ZC4H2: variants seen among roughly 807,000 people sequenced by gnomAD.
The protein encoded by ZC4H2 is zinc finger C4H2 domain-containing protein.
For synonymous variants in ZC4H2, 84 were observed against 66.3 expected, an observed-to-expected ratio of 1.27 and a Z score of -1.30; for missense variants, 137 against 173.9, an observed-to-expected ratio of 0.79 and a Z score of 1.19.
chrX:64,949,033 A>G (rs1371638779), intron 1 of ZC4H2, among the ~76,000 whole-genome samples: 1 of 111,884 alleles, frequency 8.9e-6, no homozygotes, highest in Non-Finnish European at 1.9e-5. Context: ...TTAGAGCACT[A>G]ATCTGCTCTT....
At chrX:65,016,616 A>G (rs1279982545) in intron 1 of ZC4H2, among the ~76,000 whole-genome samples, 7 of 111,696 alleles carry the variant, frequency 6.3e-5, no homozygotes, top group Non-Finnish European at 9.4e-5. Flanking sequence ...GGTTTTGGCT[A>G]GAATAACCAA....
intron 4 of ZC4H2, 65 bp from the exon 5 acceptor site, chrX:64,917,961 C>A: frequency 8.8e-7 from 1 of 1,136,395 alleles, no homozygotes; most frequent in East Asian, 3.2e-5. Context: ...ACTTAGACTT[C>A]TGATTCCCCA....
chrX:65,005,636 G>A (rs890095992), intron 1 of ZC4H2, among the ~76,000 whole-genome samples: 2 of 111,455 alleles, frequency 1.8e-5, no homozygotes, highest in Non-Finnish European at 3.8e-5. Flanking sequence ...TGCCATTCAG[G>A]ACATAGGCAC....
chrX:64,965,525 G>C, intron 1 of ZC4H2: 1 of 303,490 alleles, frequency 3.3e-6, no homozygotes. Flanking sequence ...TAAAATTTCT[G>C]GAAGAAAATA....
intron 1 of ZC4H2, among the ~76,000 whole-genome samples, chrX:65,012,446 C>T (rs952981861): frequency 9.0e-6 from 1 of 111,189 alleles, no homozygotes; most frequent in Non-Finnish European, 1.9e-5. Flanking sequence ...GTGTAACACA[C>T]TTAGAAGAAC....
chrX:64,937,658 C>T (rs988391989), intron 1 of ZC4H2, among the ~76,000 whole-genome samples: 7 of 111,409 alleles, frequency 6.3e-5, no homozygotes, highest in South Asian at 3.7e-4. Context: ...TACATGCAAA[C>T]TGAACAATCT....
At chrX:64,982,978 T>A (rs1226814594) in intron 1 of ZC4H2, among the ~76,000 whole-genome samples, 1 of 112,119 alleles carries the variant, frequency 8.9e-6, no homozygotes, top group African/African-American at 3.2e-5. Flanking sequence ...GTAAACAGAT[T>A]GGGAGAGGAG....
intron 1 of ZC4H2, among the ~76,000 whole-genome samples, chrX:64,981,588 C>T (rs188294371): frequency 1.8e-5 from 2 of 110,955 alleles, no homozygotes; most frequent in African/African-American, 6.6e-5. Flanking sequence ...GTGCCATTCA[C>T]TGAAACAGGA....
upstream of ZC4H2, among the ~76,000 whole-genome samples, chrX:64,978,076 T>C (rs999729596): frequency 7.2e-5 from 8 of 111,418 alleles, no homozygotes; most frequent in Non-Finnish European, 1.1e-4. Flanking sequence ...CTTTCTTTTA[T>C]TGAGCTTCAG....
At chrX:65,001,773 A>G (rs1156612201) in intron 1 of ZC4H2, among the ~76,000 whole-genome samples, 2 of 112,122 alleles carry the variant, frequency 1.8e-5, no homozygotes, top group South Asian at 3.7e-4. Context: ...TGAAAGCAAA[A>G]AAAAGCAGGG....
chrX:65,017,763 CAT>C (rs1932807054), intron 1 of ZC4H2, among the ~76,000 whole-genome samples: 3 of 111,906 alleles, frequency 2.7e-5, no homozygotes, highest in Admixed American at 9.5e-5. Flanking sequence ...GTTCCACACT[CAT>C]AAAATGTAGG....
chrX:64,965,077 A>T (rs1931540179), intron 1 of ZC4H2, among the ~76,000 whole-genome samples: 1 of 112,040 alleles, frequency 8.9e-6, no homozygotes, highest in Admixed American at 9.5e-5. Flanking sequence ...GAAATAGGAC[A>T]TTATTTCATT....
At chrX:64,983,999 A>C (rs1932132815) in intron 1 of ZC4H2, among the ~76,000 whole-genome samples, 1 of 111,705 alleles carries the variant, frequency 9.0e-6, no homozygotes, top group Non-Finnish European at 1.9e-5. Flanking sequence ...TATTATATGC[A>C]TAATGGTGGG....
In ZC4H2 at chrX:64,916,321, C is replaced by T. The variant is rs887062041; in HGVS notation, c.*1462G>A. ...ATTAGGTAAATTATTGTCCTTGGTG[C>T]CTGGCTTTCTCATTTGTAAGGTGGA... On this transcript the variant is annotated 3_prime_UTR_variant, in exon 5 of 5. Coordinates refer to ENST00000374839, the MANE Select transcript of ZC4H2 (RefSeq NM_018684.4). 6.3e-5 allele frequency: 7 copies of T among 111,132 alleles called. No homozygotes were observed. Among genetic ancestry groups the T allele is most frequent in the Non-Finnish European group, 1.3e-4 (7 of 53,031 alleles). 9.2% of individuals were successfully genotyped at this position (111,132 alleles called of 1,213,427 possible).
At chrX:64,934,282 G>A (rs1929889812) in intron 1 of ZC4H2, among the ~76,000 whole-genome samples, 2 of 112,193 alleles carry the variant, frequency 1.8e-5, no homozygotes. Flanking sequence ...TTACTCCATT[G>A]TAACATCTGG....
chrX:64,924,303 T>C (rs769162003), intron 1 of ZC4H2, among the ~76,000 whole-genome samples: 1 of 112,480 alleles, frequency 8.9e-6, no homozygotes, highest in South Asian at 3.7e-4. Context: ...GTATTTTAAC[T>C]ATATTTATTG....
rs1378670952 is a variant in ZC4H2, at chrX:64,954,376, ATATATATTTATAAT to A, written c.53+21935_53+21948del. Among the ~76,000 whole-genome samples the A allele has an allele frequency of 1.3e-3, 97 of 76,089 alleles. 8 individuals carry two copies. The highest frequency in any genetic ancestry group is 8.2e-3 in the African/African-American group (88 of 10,701). 66.1% of individuals were successfully genotyped at this position (76,089 alleles called of 115,157 possible). A position where few individuals can be genotyped will look rare whatever the true frequency, so the allele number is the denominator to read the frequency against. ...TATAATTATATATATATATATAATT[ATATATATTTATAAT>A]TATATATATATATGCTCAAAAATTG... On this transcript the variant is annotated intron_variant, in intron 1 of 4. Transcript: ENST00000374839.
chrX:64,949,845 C>G (rs879991755), intron 1 of ZC4H2, among the ~76,000 whole-genome samples: 1 of 111,489 alleles, frequency 9.0e-6, no homozygotes, highest in Non-Finnish European at 1.9e-5. Flanking sequence ...GTCTCTATCT[C>G]CTTCAGTTCT....
chrX:64,951,387 C>T (rs1402314393), intron 1 of ZC4H2, among the ~76,000 whole-genome samples: 1 of 111,810 alleles, frequency 8.9e-6, no homozygotes, highest in Non-Finnish European at 1.9e-5. Context: ...CTGACTTCCA[C>T]AACGGTTGAA....
Sources: allele counts gnomAD v4.1 joint callset (sites outside exome capture counted in the v4.1 genomes callset), GRCh38; gene constraint gnomAD v4.1.1; transcripts MANE v1.5; gene names NCBI Gene and HGNC (gene_info 2026-07-23, HGNC 2026-07-21).